The following KCNIP4 variants were observed in gnomAD, a reference collection of about 807,000 sequenced individuals.
KCNIP4 encodes the protein Kv channel-interacting protein 4.
Under a neutral mutation model 34.0 loss-of-function variants are expected in KCNIP4, and 12 were observed. The ratio of observed to expected loss-of-function variants is 0.35; its 90% CI spans 0.23 to 0.57. The LOEUF (loss-of-function observed/expected upper bound fraction) is 0.57. KCNIP4 is among the 20% of genes least tolerant of loss of function. KCNIP4 has a pLI of 0.83. For missense variants in KCNIP4, 238 were observed against 311.7 expected (o/e 0.76, Z 1.78); for synonymous variants, 124 against 102.2 (o/e 1.21, Z -1.29).
rs1730767310 is a variant in KCNIP4 at position 20,933,920 on chromosome 4, T to A, written c.62-51211A>T. 3.9e-5 allele frequency among the ~76,000 whole-genome samples: 6 copies of A among 152,176 alleles called. No homozygotes were observed. In the South Asian group the frequency reaches 1.2e-3, roughly 32 times the overall value. Reference sequence around the variant, plus strand: ...ATGGATGGTTGGCCATTCTACCCATTGGCTCTTCTCAATCAATGTGATATA... The same window carrying A: ...ATGGATGGTTGGCCATTCTACCCATAGGCTCTTCTCAATCAATGTGATATA... On this transcript the variant is annotated intron_variant, in intron 1 of 8. Coordinates refer to ENST00000382152, the MANE Select transcript of KCNIP4 (RefSeq NM_025221.6).
At chr4:21,047,003 C>G (rs2149786768) in intron 1 of KCNIP4, among the ~76,000 whole-genome samples, 1 of 152,284 alleles carries the variant, frequency 6.6e-6, no homozygotes, top group Non-Finnish European at 1.5e-5. Flanking sequence ...ATAAGAGGTG[C>G]AATTTGAGGA....
At chr4:21,381,327 C>T (rs1051327524) in intron 1 of KCNIP4, among the ~76,000 whole-genome samples, 20 of 152,152 alleles carry the variant, frequency 1.3e-4, no homozygotes, top group African/African-American at 4.8e-4. Context: ...AGAGGGTTTT[C>T]ACAGCATTGC....
intron 1 of KCNIP4, among the ~76,000 whole-genome samples, chr4:21,595,269 G>C (rs1218647074): frequency 6.6e-6 from 1 of 152,078 alleles, no homozygotes; most frequent in Admixed American, 6.6e-5. Context: ...GTGATAGTTT[G>C]CTGAGAATGA....
Position 20,861,706 on chromosome 4 carries a change from G to A in KCNIP4, c.164-11039C>T, listed in dbSNP as rs116648078. Among the ~76,000 whole-genome samples, 38 of 152,158 alleles carry A rather than the reference G, an allele frequency of 2.5e-4. No homozygotes were observed. The Middle Eastern group carries it at 0.01, about 41-fold the overall frequency. On this transcript the variant is annotated intron_variant, in intron 2 of 8. Coordinates refer to ENST00000382152, the MANE Select transcript of KCNIP4 (RefSeq NM_025221.6). ...ACAGGTACTTGTTGGCAATGACATT[G>A]CAATTTCCATTCTAGGAGAATGAGA...
chr4:21,707,993 T>C (rs923757231), intron 1 of KCNIP4, among the ~76,000 whole-genome samples: 6 of 151,308 alleles, frequency 4.0e-5, no homozygotes, highest in Non-Finnish European at 5.9e-5. Context: ...AATATACATA[T>C]ACAAAATCAA....
chr4:21,258,295 G>A (rs923287196), intron 1 of KCNIP4, among the ~76,000 whole-genome samples: 14 of 152,094 alleles, frequency 9.2e-5, no homozygotes, highest in Admixed American at 2.6e-4. Context: ...TGATACTACC[G>A]AGTAAACAGT....
At chr4:20,750,635 TAA>T (rs1161764754) in intron 4 of KCNIP4, among the ~76,000 whole-genome samples, 1 of 152,216 alleles carries the variant, frequency 6.6e-6, no homozygotes, top group African/African-American at 2.4e-5. Context: ...CCATTTCATT[TAA>T]AAGTCTGTAT....
intron 1 of KCNIP4, among the ~76,000 whole-genome samples, chr4:21,784,628 AC>A (rs981109633): frequency 3.3e-5 from 5 of 152,016 alleles, no homozygotes; most frequent in African/African-American, 1.2e-4. Flanking sequence ...GATGTCAAAA[AC>A]CCCAAAGGTG....
At chr4:21,042,413 G>C (rs1286537932) in intron 1 of KCNIP4, among the ~76,000 whole-genome samples, 1 of 152,180 alleles carries the variant, frequency 6.6e-6, no homozygotes, top group Non-Finnish European at 1.5e-5. Flanking sequence ...GGAGCATTAG[G>C]TTAAGTGAAA....
chr4:21,311,714 C>A (rs1713209522), intron 1 of KCNIP4, among the ~76,000 whole-genome samples: 1 of 151,824 alleles, frequency 6.6e-6, no homozygotes, highest in Admixed American at 6.6e-5. Flanking sequence ...ATGTAAAAAG[C>A]CTGAAAATAA....
At chr4:21,862,885 C>T (rs9760244) in intron 1 of KCNIP4, among the ~76,000 whole-genome samples, 54,438 of 149,896 alleles carry the variant, frequency 0.36, 11,457 homozygotes, top group Non-Finnish European at 0.49. Context: ...GGCGTGAACC[C>T]GGGAGGCGGA....
chr4:21,498,327 T>C (rs1016446845), intron 1 of KCNIP4, among the ~76,000 whole-genome samples: 1 of 152,202 alleles, frequency 6.6e-6, no homozygotes, highest in Admixed American at 6.5e-5. Context: ...CAGAGTTAAA[T>C]ATGTGCCTCA....
chr4:21,941,891 G>A (rs940947065), intron 1 of KCNIP4, among the ~76,000 whole-genome samples: 1 of 152,158 alleles, frequency 6.6e-6, no homozygotes. Context: ...GTCAGAGTGT[G>A]TGAAGAGCTT....
At chr4:21,541,747 T>C (rs1221523196) in intron 1 of KCNIP4, among the ~76,000 whole-genome samples, 1 of 152,064 alleles carries the variant, frequency 6.6e-6, no homozygotes, top group African/African-American at 2.4e-5. Flanking sequence ...GCTCAAGTGA[T>C]CCTCCTGTAT....
At chr4:21,042,353 C>A (rs1170742110) in intron 1 of KCNIP4, among the ~76,000 whole-genome samples, 1 of 152,008 alleles carries the variant, frequency 6.6e-6, no homozygotes, top group Non-Finnish European at 1.5e-5. Context: ...TATTATTTGA[C>A]CATTAAAAAA....
At chr4:21,622,367 C>A (rs1038042170) in intron 1 of KCNIP4, among the ~76,000 whole-genome samples, 2 of 152,084 alleles carry the variant, frequency 1.3e-5, no homozygotes, top group Admixed American at 1.3e-4. Flanking sequence ...TTTTCTCAAC[C>A]TTTTGCCTGC....
chr4:21,228,667 T>G (rs754402445), intron 1 of KCNIP4, among the ~76,000 whole-genome samples: 4 of 152,198 alleles, frequency 2.6e-5, no homozygotes, highest in Non-Finnish European at 4.4e-5. Flanking sequence ...CATCTTTGCT[T>G]CATTCAAGGC....
intron 1 of KCNIP4, among the ~76,000 whole-genome samples, chr4:21,491,607 A>C (rs1732404447): frequency 6.6e-6 from 1 of 152,130 alleles, no homozygotes; most frequent in Non-Finnish European, 1.5e-5. Context: ...TCCTGGGCTC[A>C]AGCAATCCTC....
At chr4:21,264,447 G>GAA (rs1761671389) in intron 1 of KCNIP4, among the ~76,000 whole-genome samples, 1 of 152,134 alleles carries the variant, frequency 6.6e-6, no homozygotes, top group Admixed American at 6.6e-5. Context: ...TGATGTAGAG[G>GAA]CTGAGAGTTC....
Sources: gnomAD v4.1 joint callset for allele counts (sites outside exome capture counted in the v4.1 genomes callset) on GRCh38, gnomAD v4.1.1 for gene constraint, MANE v1.5 for transcripts, NCBI Gene and HGNC (gene_info 2026-07-23, HGNC 2026-07-21) for gene names.